Variants in GALNT17 observed in about 807,000 individuals in gnomAD.
The protein encoded by GALNT17 is polypeptide N-acetylgalactosaminyltransferase 17, also known as UDP-GalNAc:polypeptide N-acetylgalactosaminyltransferase-like 3.
Under a neutral mutation model 63.7 loss-of-function variants are expected in GALNT17, and 29 were observed. That is an observed-to-expected ratio of 0.46 (90% CI 0.34 to 0.62). The LOEUF is 0.62. Ranked by LOEUF, GALNT17 falls within the 20% of genes least tolerant of loss-of-function variation. The probability of loss-of-function intolerance (pLI) is 0.01; values close to 1 mark genes in which losing one functional copy is unlikely to be tolerated. For missense variants in GALNT17, 603 were observed against 799.6 expected, an observed-to-expected ratio of 0.75 and a Z score of 2.97; for synonymous variants, 305 against 318.3, an observed-to-expected ratio of 0.96 and a Z score of 0.45.
intron 5 of GALNT17, among the ~76,000 whole-genome samples, chr7:71,469,375 G>C (rs182138707): frequency 6.6e-6 from 1 of 152,138 alleles, no homozygotes. Context: ...GACTGGTCAC[G>C]GAAAAACCTT....
chr7:71,279,125 A>T (rs952782451), intron 1 of GALNT17, among the ~76,000 whole-genome samples: 1 of 151,766 alleles, frequency 6.6e-6, no homozygotes, highest in Non-Finnish European at 1.5e-5. Context: ...GGGTTTCACC[A>T]TGTTGGCCAG....
intron 5 of GALNT17, among the ~76,000 whole-genome samples, chr7:71,469,471 ACT>A (rs1320709226): frequency 3.3e-5 from 5 of 152,196 alleles, no homozygotes; most frequent in Admixed American, 6.5e-5. Flanking sequence ...GTTCAGAGAG[ACT>A]CTGTCGCAGC....
chr7:71,446,215 G>A (rs1436581425), intron 5 of GALNT17, among the ~76,000 whole-genome samples: 1 of 152,090 alleles, frequency 6.6e-6, no homozygotes, highest in Admixed American at 6.5e-5. Flanking sequence ...CAGAGCCTAG[G>A]AGACCAATCA....
At chr7:71,615,573 C>T (rs1000435425) in intron 6 of GALNT17, among the ~76,000 whole-genome samples, 1 of 146,368 alleles carries the variant, frequency 6.8e-6, no homozygotes, top group African/African-American at 2.5e-5. Context: ...GCCTCCTGGG[C>T]TCAAAGGATT....
intron 2 of GALNT17, among the ~76,000 whole-genome samples, chr7:71,386,356 G>A (rs543718691): frequency 6.6e-6 from 1 of 152,262 alleles, no homozygotes; most frequent in East Asian, 1.9e-4. Flanking sequence ...GGCTTCATCT[G>A]TTTTCTTTGT....
chr7:71,550,874 CCTCTT>C (rs1789065797), intron 5 of GALNT17, among the ~76,000 whole-genome samples: 1 of 150,620 alleles, frequency 6.6e-6, no homozygotes. Flanking sequence ...TTTTTTATTT[CCTCTT>C]CTGGCTTTTT....
intron 1 of GALNT17, among the ~76,000 whole-genome samples, chr7:71,333,273 T>C (rs1481415593): frequency 6.6e-6 from 1 of 151,840 alleles, no homozygotes; most frequent in Non-Finnish European, 1.5e-5. Flanking sequence ...CGTGACTAGC[T>C]TCATTTACTT....
intron 3 of GALNT17, among the ~76,000 whole-genome samples, chr7:71,392,759 G>A (rs147199740): frequency 4.6e-5 from 7 of 152,238 alleles, no homozygotes; most frequent in South Asian, 2.1e-4. Flanking sequence ...CCAGGGGACC[G>A]GGAGTTGACG....
chr7:71,197,443 T>C (rs1789075428), intron 1 of GALNT17, among the ~76,000 whole-genome samples: 1 of 150,900 alleles, frequency 6.6e-6, no homozygotes, highest in Non-Finnish European at 1.5e-5. Context: ...CTCCTGACCT[T>C]GTGATCCGCC....
intron 6 of GALNT17, among the ~76,000 whole-genome samples, chr7:71,625,889 A>T (rs1258906024): frequency 6.6e-6 from 1 of 152,142 alleles, no homozygotes; most frequent in Non-Finnish European, 1.5e-5. Context: ...TCTTTAAAGA[A>T]TGAAGTTAAA....
At chr7:71,427,873 C>T (rs1449997794) in intron 5 of GALNT17, among the ~76,000 whole-genome samples, 8 of 152,086 alleles carry the variant, frequency 5.3e-5, no homozygotes, top group Admixed American at 1.3e-4. Flanking sequence ...GTGAATTGCG[C>T]GTGTGAAGGA....
chr7:71,523,037 C>T (rs1788556270), intron 5 of GALNT17, among the ~76,000 whole-genome samples: 1 of 152,112 alleles, frequency 6.6e-6, no homozygotes, highest in South Asian at 2.1e-4. Flanking sequence ...GAGACCTCGT[C>T]TCTATGGTAC....
At chr7:71,596,280 C>T (rs946842173) in intron 6 of GALNT17, among the ~76,000 whole-genome samples, 2 of 151,418 alleles carry the variant, frequency 1.3e-5, no homozygotes, top group Non-Finnish European at 2.9e-5. Flanking sequence ...CCTCGTGATT[C>T]GCCCACCTTG....
At chr7:71,362,129 T>C (rs1264788238) in intron 2 of GALNT17, among the ~76,000 whole-genome samples, 1 of 152,012 alleles carries the variant, frequency 6.6e-6, no homozygotes, top group Non-Finnish European at 1.5e-5. Context: ...GCTAATTTTT[T>C]GTATTTTTAG....
chr7:71,627,163 A>G (rs1251341524), intron 6 of GALNT17, among the ~76,000 whole-genome samples: 1 of 152,236 alleles, frequency 6.6e-6, no homozygotes, highest in East Asian at 1.9e-4. Flanking sequence ...AAACAGAGTT[A>G]AGTGGGCTTC....
intron 5 of GALNT17, among the ~76,000 whole-genome samples, chr7:71,497,924 A>G (rs941315696): frequency 5.9e-5 from 9 of 152,238 alleles, no homozygotes; most frequent in Non-Finnish European, 1.2e-4. Flanking sequence ...TTCCATGAAA[A>G]GGGCAGTTTG....
intron 5 of GALNT17, among the ~76,000 whole-genome samples, chr7:71,490,986 G>A (rs1318310445): frequency 6.6e-6 from 1 of 152,116 alleles, no homozygotes; most frequent in East Asian, 1.9e-4. Context: ...CTGAGGTTGG[G>A]AATTCGAGAC....
chr7:71,167,141 C>T (rs537590133), intron 1 of GALNT17, among the ~76,000 whole-genome samples: 2 of 149,494 alleles, frequency 1.3e-5, no homozygotes, highest in Admixed American at 1.4e-4. Context: ...CTCTCCTTGG[C>T]TTCCCAAAGT....
chr7:71,157,528 C>T (rs986623826), intron 1 of GALNT17, among the ~76,000 whole-genome samples: 6 of 151,574 alleles, frequency 4.0e-5, no homozygotes, highest in East Asian at 3.9e-4. Flanking sequence ...CATGGTGGCA[C>T]GTCCCTATAA....
Sources: allele counts gnomAD v4.1 joint callset (sites outside exome capture counted in the v4.1 genomes callset), GRCh38; gene constraint gnomAD v4.1.1; transcripts MANE v1.5; gene names NCBI Gene and HGNC (gene_info 2026-07-23, HGNC 2026-07-21).